NUP35: variants seen among roughly 807,000 people sequenced by gnomAD.
NUP35 encodes the protein nucleoporin NUP35.
Under a neutral mutation model 41.5 loss-of-function variants are expected in NUP35, and 25 were observed. The ratio of observed to expected loss-of-function variants is 0.60; its 90% CI spans 0.44 to 0.84. The LOEUF (loss-of-function observed/expected upper bound fraction) is 0.84, where lower values mean the gene tolerates loss of function less well. Ranked by LOEUF, NUP35 falls within the 40% of genes least tolerant of loss-of-function variation. NUP35 has a pLI of 0.00. For missense variants in NUP35, 396 were observed against 396.6 expected, an observed-to-expected ratio of 1.00 and a Z score of 0.01; for synonymous variants, 149 against 130.7, an observed-to-expected ratio of 1.14 and a Z score of -0.96.
chr2:183,157,541 G>T, intron 6 of NUP35, 28 bp downstream of exon 6: 5 of 1,458,338 alleles, frequency 3.4e-6, no homozygotes, highest in Non-Finnish European at 4.8e-6. Flanking sequence ...TCAGTTCAGA[G>T]TTTTGACTAA....
chr2:183,156,944 G>C (rs1183481203), intron 5 of NUP35, among the ~76,000 whole-genome samples: 1 of 152,088 alleles, frequency 6.6e-6, no homozygotes, highest in Non-Finnish European at 1.5e-5. Context: ...GTCCTTTTAA[G>C]TGATTCTATA....
At chr2:183,127,186 A>G (rs1684521894) in intron 1 of NUP35, among the ~76,000 whole-genome samples, 2 of 152,098 alleles carry the variant, frequency 1.3e-5, no homozygotes, top group African/African-American at 2.4e-5. Context: ...TATCTACTCT[A>G]TAGATTGTGA....
At chr2:183,146,721 C>T (rs1000275859) in intron 4 of NUP35, among the ~76,000 whole-genome samples, 7 of 151,978 alleles carry the variant, frequency 4.6e-5, no homozygotes, top group Admixed American at 1.3e-4. Flanking sequence ...CTCAGCTTCC[C>T]GAGTAGCTGG....
chr2:183,123,791 A>C (rs1211677635), upstream of NUP35: 2 of 985,282 alleles, frequency 2.0e-6, no homozygotes, highest in Non-Finnish European at 2.4e-6. Flanking sequence ...GCACATGCAG[A>C]AGCACGCAAG....
chr2:183,152,703 G>A (rs1685512910), intron 5 of NUP35, among the ~76,000 whole-genome samples: 1 of 152,148 alleles, frequency 6.6e-6, no homozygotes, highest in Non-Finnish European at 1.5e-5. Flanking sequence ...ACTCCTTAGA[G>A]ATCATATTGT....
chr2:183,118,498 C>A (rs532115696), intron 1 of NUP35: 1 of 152,232 alleles, frequency 6.6e-6, no homozygotes, highest in African/African-American at 2.4e-5. Context: ...GGCAAACATG[C>A]AAAATTGCAT....
At chr2:183,122,865 C>T (rs1027841555), upstream of NUP35, among the ~76,000 whole-genome samples, 1 of 147,322 alleles carries the variant, frequency 6.8e-6, no homozygotes, top group Admixed American at 7.1e-5. Flanking sequence ...TATCCATACA[C>T]TAAGCTTTAG....
chr2:183,130,387 C>CCTT, intron 2 of NUP35, 31 bp from the exon 3 acceptor site: 1 of 1,271,290 alleles, frequency 7.9e-7, no homozygotes, highest in Non-Finnish European at 1.0e-6. Context: ...AGAAGAATCC[C>CCTT]TTTTTTTTTT....
At chr2:183,134,541 A>G (rs1330537677) in intron 4 of NUP35, among the ~76,000 whole-genome samples, 1 of 152,166 alleles carries the variant, frequency 6.6e-6, no homozygotes, top group African/African-American at 2.4e-5. Context: ...CGGAAGTTTG[A>G]AATGGGTCTT....
At chr2:183,148,229 C>T (rs1435429850) in intron 4 of NUP35, among the ~76,000 whole-genome samples, 1 of 152,146 alleles carries the variant, frequency 6.6e-6, no homozygotes, top group Non-Finnish European at 1.5e-5. Flanking sequence ...TTAGTTGATT[C>T]CATATCTTTG....
intron 4 of NUP35, 69 bp downstream of exon 4, chr2:183,133,692 T>TA: frequency 9.6e-7 from 1 of 1,044,292 alleles, no homozygotes; most frequent in Non-Finnish European, 1.3e-6. Context: ...CACGCTGGAG[T>TA]GCAGTGGTGT....
chr2:183,157,636 A>G lies in NUP35; in HGVS notation c.609+123A>G. 5.9e-6 allele frequency: 4 copies of G among 673,736 alleles called. No homozygotes were observed. The South Asian group carries it at 7.2e-5, about 12-fold the overall frequency. 41.7% of individuals were successfully genotyped at this position (673,736 alleles called of 1,614,324 possible). On this transcript the variant is annotated intron_variant, in intron 6 of 8. Transcript: ENST00000295119. ...CTTAAATTTTTTTTTGAGTTTTGAT[A>G]TAATACATCCTTTGAAGTCTGGAAG...
At chr2:183,150,491 T>G (rs917145275) in intron 4 of NUP35, among the ~76,000 whole-genome samples, 3 of 152,174 alleles carry the variant, frequency 2.0e-5, no homozygotes, top group African/African-American at 7.2e-5. Flanking sequence ...GTTCACTTCT[T>G]CAAATATTGT....
chr2:183,159,670 TA>T lies in NUP35; in HGVS notation c.903+25del, dbSNP rs539959778. On this transcript the variant is annotated intron_variant, in intron 8 of 8. Coordinates refer to ENST00000295119, the MANE Select transcript of NUP35 (RefSeq NM_138285.5). ...ATTATCAGGTATTTTAAGGATTGGA[TA>T]AAAAAAGATGTACTTTAATGGCTGA... is the stretch of plus-strand genomic sequence containing the variant. 7 of 1,595,604 alleles carry T rather than the reference TA, an allele frequency of 4.4e-6. No homozygotes were observed. Among genetic ancestry groups the T allele is most frequent in the South Asian group, 3.3e-5 (3 of 90,146 alleles).
chr2:183,124,386 C>T, upstream of NUP35: 1 of 1,613,474 alleles, frequency 6.2e-7, no homozygotes. Context: ...CGCCGTTACC[C>T]GTGGGGAGCG....
intron 4 of NUP35, among the ~76,000 whole-genome samples, chr2:183,141,515 A>G (rs1311155742): frequency 2.6e-5 from 4 of 152,240 alleles, no homozygotes; most frequent in African/African-American, 9.6e-5. Context: ...TTATCTGAAT[A>G]TAGTTACATC....
At chr2:183,144,255 C>T (rs1685199207) in intron 4 of NUP35, among the ~76,000 whole-genome samples, 1 of 152,154 alleles carries the variant, frequency 6.6e-6, no homozygotes. Flanking sequence ...GGAGTACTAC[C>T]AACTAGGGAA....
intron 1 of NUP35, among the ~76,000 whole-genome samples, chr2:183,127,647 T>C (rs1684542865): frequency 6.6e-6 from 1 of 152,208 alleles, no homozygotes. Context: ...CTAAGCTTTG[T>C]ATGTATAAGT....
intron 4 of NUP35, 29 bp from the exon 5 acceptor site, chr2:183,151,479 C>T (rs1575132690): frequency 2.0e-5 from 32 of 1,604,620 alleles, no homozygotes; most frequent in Non-Finnish European, 2.7e-5. Flanking sequence ...TTTACACTGG[C>T]AACTAACTTG....
Sources: allele counts gnomAD v4.1 joint callset (sites outside exome capture counted in the v4.1 genomes callset), GRCh38; gene constraint gnomAD v4.1.1; transcripts MANE v1.5; gene names NCBI Gene and HGNC (gene_info 2026-07-23, HGNC 2026-07-21).